ZC3H12B: variants seen among roughly 807,000 people sequenced by gnomAD.
The protein encoded by ZC3H12B is probable ribonuclease ZC3H12B.
Under a neutral mutation model 43.9 loss-of-function variants are expected in ZC3H12B, and 7 were observed. The observed-to-expected ratio is 0.16, with a 90% CI of 0.09 to 0.30. The LOEUF (loss-of-function observed/expected upper bound fraction) is 0.30. Among genes scored for constraint, ZC3H12B ranks in the 10% least tolerant of loss-of-function variants. The pLI, the probability that ZC3H12B is intolerant of heterozygous loss-of-function variation, is 1.00. For synonymous variants in ZC3H12B, 222 were observed against 241.7 expected (o/e 0.92, Z 0.76); for missense variants, 475 against 670.2 (o/e 0.71, Z 3.22).
the ZC3H12B span, among the ~76,000 whole-genome samples, chrX:65,202,211 C>T: frequency 1.4e-5 from 1 of 74,048 alleles, no homozygotes; most frequent in Non-Finnish European, 2.2e-5. Context: ...TATAATATTA[C>T]AGTCTTGGGT....
At chrX:65,151,595 A>T in the ZC3H12B span, among the ~76,000 whole-genome samples, 1 of 112,046 alleles carries the variant, frequency 8.9e-6, no homozygotes, top group Admixed American at 9.5e-5. Context: ...GACTTCAGAT[A>T]TAAACTCCTA....
the ZC3H12B span, among the ~76,000 whole-genome samples, chrX:65,175,009 C>T: frequency 8.9e-6 from 1 of 112,273 alleles, no homozygotes; most frequent in Admixed American, 9.4e-5. Context: ...GCTTGAAACC[C>T]AGGCCCCTTC....
intron 3 of ZC3H12B, among the ~76,000 whole-genome samples, chrX:65,443,209 C>T (rs1329649345): frequency 9.0e-6 from 1 of 111,410 alleles, no homozygotes; most frequent in Non-Finnish European, 1.9e-5. Context: ...CTGACACTTC[C>T]GAGCTCCCCT....
At chrX:65,054,827 G>A in the ZC3H12B span, among the ~76,000 whole-genome samples, 2 of 111,099 alleles carry the variant, frequency 1.8e-5, no homozygotes, top group African/African-American at 6.6e-5. Context: ...GGATTCCTAG[G>A]TATTTTATTC....
At chrX:65,143,465 T>A in the ZC3H12B span, among the ~76,000 whole-genome samples, 75 of 111,569 alleles carry the variant, frequency 6.7e-4, no homozygotes, top group Middle Eastern at 4.6e-3. Flanking sequence ...TGATTTTTTT[T>A]AATATTGTTT....
chrX:65,309,468 G>T, the ZC3H12B span, among the ~76,000 whole-genome samples: 1 of 111,908 alleles, frequency 8.9e-6, no homozygotes, highest in Non-Finnish European at 1.9e-5. Flanking sequence ...TCTCTGAATA[G>T]ACCAATAACA....
At chrX:65,236,369 A>G in the ZC3H12B span, among the ~76,000 whole-genome samples, 1 of 111,263 alleles carries the variant, frequency 9.0e-6, no homozygotes, top group Non-Finnish European at 1.9e-5. Context: ...GGGTTTGTCC[A>G]TGTTTTTTAC....
At chrX:65,419,612 G>C (rs1395933238) in intron 3 of ZC3H12B, among the ~76,000 whole-genome samples, 2 of 111,291 alleles carry the variant, frequency 1.8e-5, no homozygotes, top group Admixed American at 1.9e-4. Context: ...TGAACAAGAG[G>C]CTTTGTCCCA....
intron 3 of ZC3H12B, among the ~76,000 whole-genome samples, chrX:65,471,262 CTTCT>C (rs1233202965): frequency 9.1e-6 from 1 of 109,746 alleles, no homozygotes; most frequent in African/African-American, 3.3e-5. Flanking sequence ...ATATAATAAC[CTTCT>C]TTGTCTTTTT....
At chrX:65,084,059 C>T in the ZC3H12B span, among the ~76,000 whole-genome samples, 3 of 111,604 alleles carry the variant, frequency 2.7e-5, no homozygotes, top group Non-Finnish European at 5.7e-5. Context: ...TATCCATATG[C>T]AGAAGAATGA....
chrX:65,055,268 C>G, the ZC3H12B span, among the ~76,000 whole-genome samples: 30 of 111,408 alleles, frequency 2.7e-4, no homozygotes, highest in Non-Finnish European at 5.3e-4. Flanking sequence ...CCATCAATAC[C>G]AAATTTATTG....
chrX:65,408,413 GC>G, intron 3 of ZC3H12B: 1 of 1,207,798 alleles, frequency 8.3e-7, no homozygotes, highest in Non-Finnish European at 1.1e-6. Flanking sequence ...TGTCGAACGT[GC>G]CAAACAGGTG....
At chrX:65,455,546 A>G (rs1437070892) in intron 3 of ZC3H12B, among the ~76,000 whole-genome samples, 1 of 112,237 alleles carries the variant, frequency 8.9e-6, no homozygotes, top group Non-Finnish European at 1.9e-5. Flanking sequence ...AAGTTGGAAA[A>G]CACTCTGCAG....
At chrX:65,199,016 G>A in the ZC3H12B span, among the ~76,000 whole-genome samples, 1 of 109,959 alleles carries the variant, frequency 9.1e-6, no homozygotes, top group East Asian at 2.9e-4. Flanking sequence ...TTTTAGTAGA[G>A]ATGCGGTTTG....
At chrX:65,241,624 G>A in the ZC3H12B span, among the ~76,000 whole-genome samples, 2 of 112,841 alleles carry the variant, frequency 1.8e-5, no homozygotes, top group Non-Finnish European at 1.9e-5. Flanking sequence ...TGCATTGTGT[G>A]GAATTTGTTT....
At chrX:65,189,404 G>A in the ZC3H12B span, among the ~76,000 whole-genome samples, 1 of 91,687 alleles carries the variant, frequency 1.1e-5, no homozygotes, top group Non-Finnish European at 2.1e-5. Flanking sequence ...CTAGTTTACA[G>A]TCCCACCAAC....
the ZC3H12B span, among the ~76,000 whole-genome samples, chrX:65,144,699 T>C: frequency 3.1e-4 from 35 of 111,896 alleles, no homozygotes; most frequent in South Asian, 0.012. Context: ...AAGAATTTTT[T>C]TTTAATTTTC....
chrX:65,151,017 T>C, the ZC3H12B span, among the ~76,000 whole-genome samples: 1 of 112,218 alleles, frequency 8.9e-6, no homozygotes, highest in Non-Finnish European at 1.9e-5. Flanking sequence ...AATAATTCAT[T>C]TATTCAAGCA....
chrX:65,216,445 G>A, the ZC3H12B span, among the ~76,000 whole-genome samples: 1 of 111,236 alleles, frequency 9.0e-6, no homozygotes, highest in Non-Finnish European at 1.9e-5. Context: ...GGGCAGAGGG[G>A]AACCTTCCAC....
Sources: allele counts gnomAD v4.1 joint callset (sites outside exome capture counted in the v4.1 genomes callset), GRCh38; gene constraint gnomAD v4.1.1; transcripts MANE v1.5; gene names NCBI Gene and HGNC (gene_info 2026-07-23, HGNC 2026-07-21).